Variants in LIN54 observed in about 807,000 individuals in gnomAD.
The protein encoded by LIN54 is protein lin-54 homolog.
Under a neutral mutation model 78.7 loss-of-function variants are expected in LIN54, and 9 were observed. The ratio of observed to expected loss-of-function variants is 0.11; its 90% confidence interval spans 0.07 to 0.20. The LOEUF (loss-of-function observed/expected upper bound fraction) is 0.20, where lower values mean the gene tolerates loss of function less well. Ranked by LOEUF, LIN54 falls within the 10% of genes least tolerant of loss-of-function variation. LIN54 has a pLI of 1.00. For missense variants in LIN54, 573 were observed against 889.9 expected (o/e 0.64, Z 4.53); for synonymous variants, 269 against 318.4 (o/e 0.84, Z 1.65).
At chr4:82,951,008 C>T (rs375720519) in intron 4 of LIN54, among the ~76,000 whole-genome samples, 35 of 152,056 alleles carry the variant, frequency 2.3e-4, no homozygotes, top group Admixed American at 1.0e-3. Context: ...TGTATAAATA[C>T]GTATTAATAT....
intron 1 of LIN54, among the ~76,000 whole-genome samples, chr4:82,996,537 C>T (rs1728233546): frequency 6.6e-6 from 1 of 152,104 alleles, no homozygotes; most frequent in Admixed American, 6.6e-5. Flanking sequence ...TCCCAAGTAT[C>T]TGGGACTACG....
At chr4:82,970,295 A>G in intron 4 of LIN54, 32 bp downstream of exon 4, 1 of 1,592,550 alleles carries the variant, frequency 6.3e-7, no homozygotes, top group South Asian at 1.1e-5. Context: ...CAACCACAAT[A>G]TTTGGTATTT....
At chr4:82,937,182 A>G in intron 9 of LIN54, 45 bp downstream of exon 9, 1 of 957,550 alleles carries the variant, frequency 1.0e-6, no homozygotes, top group Non-Finnish European at 1.7e-6. Context: ...TTTTAAGTGC[A>G]TTTCTAATTA....
intron 1 of LIN54, among the ~76,000 whole-genome samples, chr4:82,991,688 T>C (rs1373075783): frequency 6.6e-6 from 1 of 152,218 alleles, no homozygotes; most frequent in East Asian, 1.9e-4. Flanking sequence ...TGAGGTTTTT[T>C]AAAAAATCAT....
At chr4:82,976,725 C>T (rs1726195948) in intron 3 of LIN54, among the ~76,000 whole-genome samples, 2 of 152,024 alleles carry the variant, frequency 1.3e-5, no homozygotes, top group African/African-American at 4.8e-5. Flanking sequence ...AGACTAGCTG[C>T]ATGGAAAAAG....
At chr4:82,941,075 A>G (rs1311563977) in intron 5 of LIN54, among the ~76,000 whole-genome samples, 1 of 151,752 alleles carries the variant, frequency 6.6e-6, no homozygotes, top group Non-Finnish European at 1.5e-5. Flanking sequence ...ATTCTAGTTC[A>G]GCAGATTAGG....
chr4:83,005,781 G>A (rs570950487), intron 1 of LIN54, among the ~76,000 whole-genome samples: 1 of 152,222 alleles, frequency 6.6e-6, no homozygotes, highest in Non-Finnish European at 1.5e-5. Flanking sequence ...ACATTACTGG[G>A]TACATATCTA....
intron 4 of LIN54, among the ~76,000 whole-genome samples, chr4:82,958,518 C>T (rs183837192): frequency 1.9e-4 from 29 of 152,280 alleles, no homozygotes; most frequent in Non-Finnish European, 3.1e-4. Context: ...TATCACTTAT[C>T]CAACTGTAAT....
chr4:82,992,871 A>G (rs1259397999), intron 1 of LIN54, among the ~76,000 whole-genome samples: 2 of 151,840 alleles, frequency 1.3e-5, no homozygotes, highest in Admixed American at 1.3e-4. Flanking sequence ...TACTAAAAAT[A>G]CAAAAAATTA....
chr4:82,942,431 A>G (rs1722981689), intron 5 of LIN54, among the ~76,000 whole-genome samples: 1 of 152,236 alleles, frequency 6.6e-6, no homozygotes, highest in Non-Finnish European at 1.5e-5. Context: ...GTTGTTATAC[A>G]AAAAGAGTGT....
intron 4 of LIN54, among the ~76,000 whole-genome samples, chr4:82,953,316 T>C (rs953932065): frequency 2.6e-5 from 4 of 152,120 alleles, no homozygotes; most frequent in Admixed American, 1.3e-4. Flanking sequence ...GTTTAAAGGA[T>C]ATAGAAATTC....
rs781742061 is a variant in LIN54, at chr4:82,928,248, G to C, written c.2104C>G (p.Leu702Val). 6.8e-6 allele frequency: 11 copies of C among 1,614,122 alleles called. No homozygotes were observed. The highest frequency in any genetic ancestry group is 9.3e-6 in the Non-Finnish European group (11 of 1,180,032). The change falls in exon 13 of 13, where the codon CTT (leucine) becomes GTT (valine). Residue 702 changes from leucine (L) to valine (V), a missense_variant. By Grantham distance (32) the Leu-to-Val change is conservative. Transcript: ENST00000340417. ...EVAEATCNCL[L>V]AQAEQADKKG... Reference sequence around the variant, plus strand: ...TTGTCTGCCTGCTCTGCCTGGGCAAGGAGGCAATTACATGTGGCTTCAGCT... The same window carrying C: ...TTGTCTGCCTGCTCTGCCTGGGCAACGAGGCAATTACATGTGGCTTCAGCT...
At chr4:82,970,096 T>C (rs1425250804) in intron 4 of LIN54, among the ~76,000 whole-genome samples, 1 of 152,218 alleles carries the variant, frequency 6.6e-6, no homozygotes, top group Non-Finnish European at 1.5e-5. Context: ...CCCACATTCA[T>C]ATGGGCTATG....
chr4:82,997,827 T>C (rs554776814), intron 1 of LIN54, among the ~76,000 whole-genome samples: 2 of 151,588 alleles, frequency 1.3e-5, no homozygotes, highest in Non-Finnish European at 2.9e-5. Context: ...ACCCTGTCTC[T>C]GCAAAAATAC....
In LIN54 at chr4:82,928,201, T is replaced by C; in HGVS notation, c.2151A>G (p.Ala717=). The part of the protein sequence containing the change: ...QADKKGKSKA[A]AERMILEEFG... The stretch of plus-strand genomic sequence containing the variant: ...ATTCCTCAAGTATCATCCGTTCCGC[T>C]GCTGCCTTTGATTTTCCCTTCTTGT... The change falls in exon 13 of 13, where the codon GCA becomes GCG. Residue 717 remains alanine (A), a synonymous_variant. Transcript: ENST00000340417. 2 of 1,614,268 alleles carry C rather than the reference T, an allele frequency of 1.2e-6. No individual in the cohort carries two copies. The highest frequency in any genetic ancestry group is 2.7e-5 in the African/African-American group (2 of 75,078).
chr4:83,008,719 C>T (rs754574383), intron 1 of LIN54, among the ~76,000 whole-genome samples: 1 of 152,078 alleles, frequency 6.6e-6, no homozygotes, highest in South Asian at 2.1e-4. Context: ...ACTCTTCCCC[C>T]AAAAAATGAA....
chr4:83,007,278 C>T (rs1393663467), intron 1 of LIN54, among the ~76,000 whole-genome samples: 3 of 151,748 alleles, frequency 2.0e-5, no homozygotes, highest in East Asian at 1.9e-4. Context: ...GCATTGTACC[C>T]GAGAATGAGA....
chr4:82,976,525 T>A (rs993985218), intron 3 of LIN54, among the ~76,000 whole-genome samples: 1 of 152,034 alleles, frequency 6.6e-6, no homozygotes, highest in Non-Finnish European at 1.5e-5. Context: ...CTGGCCAACA[T>A]GGTGAAACCC....
intron 4 of LIN54, among the ~76,000 whole-genome samples, chr4:82,967,669 G>A (rs1217228229): frequency 6.6e-6 from 1 of 152,134 alleles, no homozygotes. Context: ...TCCCTGACAG[G>A]GAACTTGGCA....
Sources: gnomAD v4.1 joint callset for allele counts (sites outside exome capture counted in the v4.1 genomes callset) on GRCh38, gnomAD v4.1.1 for gene constraint, MANE v1.5 for transcripts, NCBI Gene and HGNC (gene_info 2026-07-23, HGNC 2026-07-21) for gene names.